Variants in PITPNB observed in about 807,000 individuals in gnomAD.
PITPNB encodes the protein phosphatidylinositol transfer protein beta.
In PITPNB, 16 loss-of-function variants were observed where a neutral mutation model predicts 45.9. That is an observed-to-expected ratio of 0.35 (90% CI 0.24 to 0.53). The LOEUF (loss-of-function observed/expected upper bound fraction) is 0.53. PITPNB is among the 20% of genes least tolerant of loss of function. The probability of loss-of-function intolerance (pLI) is 0.93; values close to 1 mark genes in which losing one functional copy is unlikely to be tolerated. For missense variants in PITPNB, 188 were observed against 330.5 expected, an observed-to-expected ratio of 0.57 and a Z score of 3.34; for synonymous variants, 112 against 108.9, an observed-to-expected ratio of 1.03 and a Z score of -0.18.
At chr22:27,899,015 G>A (rs1172387123) in intron 3 of PITPNB, among the ~76,000 whole-genome samples, 1 of 152,192 alleles carries the variant, frequency 6.6e-6, no homozygotes, top group Non-Finnish European at 1.5e-5. Context: ...CACACAGATC[G>A]AATTCAAATC....
At position 27,862,999 on chromosome 22, in the gene PITPNB, G is replaced by A. The variant is rs564818468; in HGVS notation, c.535-2758C>T. On this transcript the variant is annotated intron_variant, in intron 8 of 11. Transcript: ENST00000335272. ...TAGCTTCTAAGTGCCCAGCTTTATT[G>A]AAATGACAACAAAGTTGGTCTTTCA... is the stretch of plus-strand genomic sequence containing the variant. 1.2e-4 allele frequency among the ~76,000 whole-genome samples: 18 copies of A among 152,294 alleles called. No homozygotes were observed. In the South Asian group the frequency reaches 3.1e-3, roughly 26 times the overall value.
chr22:27,896,069 G>A (rs185549294), intron 6 of PITPNB, among the ~76,000 whole-genome samples: 5 of 152,134 alleles, frequency 3.3e-5, no homozygotes, highest in Non-Finnish European at 7.4e-5. Context: ...ACTTATATAA[G>A]TCAACAGCTT....
chr22:27,899,821 A>T (rs1935542545), intron 3 of PITPNB, among the ~76,000 whole-genome samples: 1 of 152,226 alleles, frequency 6.6e-6, no homozygotes, highest in African/African-American at 2.4e-5. Context: ...ACACATGAGG[A>T]TAATTTTTTA....
chr22:27,919,236 G>A lies in PITPNB; in HGVS notation c.-45C>T, dbSNP rs758726678. ...AGCTGCCGCCGATACCACCGCCGCC[G>A]CCGCCGCTACCGCCTCTCACAGCGC... is the stretch of plus-strand genomic sequence containing the variant. On this transcript the variant is annotated 5_prime_UTR_variant, in exon 1 of 12. Transcript: ENST00000335272. The A allele has an allele frequency of 3.2e-6, 5 of 1,547,638 alleles. No homozygotes were observed. The highest frequency in any genetic ancestry group is 1.7e-5 in the Admixed American group (1 of 59,888).
At chr22:27,875,051 G>A (rs781470533) in intron 7 of PITPNB, among the ~76,000 whole-genome samples, 14 of 152,164 alleles carry the variant, frequency 9.2e-5, no homozygotes, top group Non-Finnish European at 1.8e-4. Flanking sequence ...CAGTTACTCA[G>A]TAAGTGCATA....
At chr22:27,899,481 C>A (rs1168810217) in intron 3 of PITPNB, among the ~76,000 whole-genome samples, 1 of 152,082 alleles carries the variant, frequency 6.6e-6, no homozygotes, top group African/African-American at 2.4e-5. Context: ...CGCCACTAGG[C>A]CCGGCTAATT....
chr22:27,892,176 G>T (rs1236841165), intron 7 of PITPNB, among the ~76,000 whole-genome samples: 1 of 152,170 alleles, frequency 6.6e-6, no homozygotes, highest in Non-Finnish European at 1.5e-5. Flanking sequence ...CCTATCTCAA[G>T]TGCTGCTGTC....
chr22:27,892,006 T>A (rs1302506881), intron 7 of PITPNB, among the ~76,000 whole-genome samples: 1 of 152,214 alleles, frequency 6.6e-6, no homozygotes, highest in Non-Finnish European at 1.5e-5. Context: ...AGTTTTAGAA[T>A]GTATGTTTTT....
chr22:27,903,930 C>T (rs754283880), intron 3 of PITPNB, among the ~76,000 whole-genome samples: 9 of 151,812 alleles, frequency 5.9e-5, no homozygotes, highest in Non-Finnish European at 1.2e-4. Context: ...AAAACCAAAA[C>T]CACAATGAGA....
intron 10 of PITPNB, among the ~76,000 whole-genome samples, chr22:27,855,189 A>T (rs2146342919): frequency 6.6e-6 from 1 of 152,366 alleles, no homozygotes; most frequent in African/African-American, 2.4e-5. Flanking sequence ...CTGATAAAAA[A>T]TTATCAAAAA....
intron 8 of PITPNB, 98 bp from the exon 9 acceptor site, chr22:27,860,339 G>A (rs1463748387): frequency 3.0e-6 from 2 of 667,754 alleles, no homozygotes; most frequent in African/African-American, 3.6e-5. Flanking sequence ...CATACATGAA[G>A]AAAATTACAA....
rs2146341059 is a variant in PITPNB, at chr22:27,853,573, G to C, written c.*129C>G. On this transcript the variant is annotated 3_prime_UTR_variant, in exon 12 of 12. Coordinates refer to ENST00000335272, the MANE Select transcript of PITPNB (RefSeq NM_012399.5). ...TGTGTATCATCACAAGCACACATCTGGGAAACGTCAACACTGCAAGATACT... is the reference window on the plus strand; with the variant it reads ...TGTGTATCATCACAAGCACACATCTCGGAAACGTCAACACTGCAAGATACT... 6 of 1,506,404 alleles carry C rather than the reference G, an allele frequency of 4.0e-6. No homozygotes were observed. The highest frequency in any genetic ancestry group is 1.2e-5 in the South Asian group (1 of 83,210). 93.3% of individuals were successfully genotyped at this position (1,506,404 alleles called of 1,614,324 possible).
chr22:27,858,543 T>C (rs1461520528), intron 9 of PITPNB, 34 bp from the exon 10 acceptor site: 1 of 1,572,268 alleles, frequency 6.4e-7, no homozygotes, highest in Non-Finnish European at 8.7e-7. Flanking sequence ...TAGCATAAGA[T>C]GACAAAAACC....
At chr22:27,885,251 A>AAAAAAAAAAAAAT (rs1491032393) in intron 7 of PITPNB, among the ~76,000 whole-genome samples, 1 of 131,816 alleles carries the variant, frequency 7.6e-6, no homozygotes, top group African/African-American at 2.7e-5. Flanking sequence ...AAAAAAAAAA[A>AAAAAAAAAAAAAT]AGCAGAAGCA....
chr22:27,897,012 A>G (rs1601415473), intron 5 of PITPNB, 118 bp downstream of exon 5: 5 of 782,914 alleles, frequency 6.4e-6, no homozygotes, highest in Admixed American at 1.8e-5. Flanking sequence ...GGTTGGTGGG[A>G]CACAGGAAGG....
At chr22:27,904,051 G>C (rs947534166) in intron 3 of PITPNB, among the ~76,000 whole-genome samples, 1 of 151,996 alleles carries the variant, frequency 6.6e-6, no homozygotes, top group African/African-American at 2.4e-5. Context: ...TAGTTGTTTC[G>C]GGAAGCTGAT....
At chr22:27,855,584 A>G (rs111890777) in intron 10 of PITPNB, among the ~76,000 whole-genome samples, 2 of 152,336 alleles carry the variant, frequency 1.3e-5, no homozygotes, top group African/African-American at 4.8e-5. Flanking sequence ...AATGCAATAA[A>G]TACGTTAAAA....
chr22:27,863,534 T>C (rs1183799352), intron 8 of PITPNB, among the ~76,000 whole-genome samples: 1 of 152,238 alleles, frequency 6.6e-6, no homozygotes, highest in Non-Finnish European at 1.5e-5. Flanking sequence ...AAACTGCTGA[T>C]GAACTCTAAG....
chr22:27,861,766 C>T (rs1003342246), intron 8 of PITPNB, among the ~76,000 whole-genome samples: 1 of 152,174 alleles, frequency 6.6e-6, no homozygotes, highest in Non-Finnish European at 1.5e-5. Context: ...AAAAAAGGGA[C>T]ATCATCTTAG....
Sources: allele counts gnomAD v4.1 joint callset (sites outside exome capture counted in the v4.1 genomes callset), GRCh38; gene constraint gnomAD v4.1.1; transcripts MANE v1.5; gene names NCBI Gene and HGNC (gene_info 2026-07-23, HGNC 2026-07-21).